Variants in PSEN1 observed in about 807,000 individuals in gnomAD.
PSEN1 encodes the protein presenilin 1.
PSEN1 carries 15 observed loss-of-function variants against 53.5 expected under a neutral mutation model. The ratio of observed to expected loss-of-function variants is 0.28; its 90% CI spans 0.19 to 0.43. PSEN1 has a LOEUF of 0.43. Among genes scored for constraint, PSEN1 ranks in the 20% least tolerant of loss-of-function variants. The pLI is 1.00. For missense variants in PSEN1, 387 were observed against 571.2 expected (o/e 0.68, Z 3.29); for synonymous variants, 208 against 209.8 (o/e 0.99, Z 0.08).
chr14:73,217,017 T>C (rs1242730367), intron 10 of PSEN1, 109 bp from the exon 11 acceptor site: 4 of 1,219,500 alleles, frequency 3.3e-6, no homozygotes, highest in Non-Finnish European at 4.8e-6. Context: ...TATCATTTAC[T>C]GACTTCTCTC....
At chr14:73,150,564 C>T (rs899146443) in intron 3 of PSEN1, among the ~76,000 whole-genome samples, 1 of 148,672 alleles carries the variant, frequency 6.7e-6, no homozygotes, top group Non-Finnish European at 1.5e-5. Flanking sequence ...GAGTTCAAGA[C>T]CAGCCTGGCC....
chr14:73,214,683 T>C (rs953882294), intron 10 of PSEN1, among the ~76,000 whole-genome samples: 3 of 152,244 alleles, frequency 2.0e-5, no homozygotes, highest in Admixed American at 1.3e-4. Context: ...TACTTTGTGC[T>C]AAGTGAAATA....
chr14:73,205,268 A>G (rs1899406142), intron 8 of PSEN1, among the ~76,000 whole-genome samples: 1 of 151,892 alleles, frequency 6.6e-6, no homozygotes, highest in East Asian at 1.9e-4. Flanking sequence ...CGAGGTCAGG[A>G]GATCGAGACC....
chr14:73,150,182 T>C (rs1897177077), intron 3 of PSEN1, among the ~76,000 whole-genome samples: 1 of 152,250 alleles, frequency 6.6e-6, no homozygotes, highest in Non-Finnish European at 1.5e-5. Context: ...TCTTATTTGC[T>C]GTTTTTTTGA....
intron 8 of PSEN1, among the ~76,000 whole-genome samples, chr14:73,203,508 A>G (rs1450256634): frequency 6.6e-6 from 1 of 152,224 alleles, no homozygotes. Context: ...AAGTGGATAT[A>G]AGCATGAATA....
chr14:73,179,695 T>C (rs1898150108), intron 5 of PSEN1, among the ~76,000 whole-genome samples: 1 of 152,232 alleles, frequency 6.6e-6, no homozygotes, highest in African/African-American at 2.4e-5. Flanking sequence ...AAGCCAGAAC[T>C]AGAGGTCTTC....
At chr14:73,177,755 CT>C (rs1898087457) in intron 5 of PSEN1, among the ~76,000 whole-genome samples, 1 of 152,190 alleles carries the variant, frequency 6.6e-6, no homozygotes, top group Non-Finnish European at 1.5e-5. Flanking sequence ...CACTGTTCTT[CT>C]AAAAGTAATA....
chr14:73,165,341 G>A (rs1227873047), intron 3 of PSEN1, among the ~76,000 whole-genome samples: 2 of 152,136 alleles, frequency 1.3e-5, no homozygotes, highest in Non-Finnish European at 2.9e-5. Flanking sequence ...TGGCTCAAAC[G>A]ATTCTGGCTC....
chr14:73,137,740 C>T (rs1327806040), intron 1 of PSEN1, among the ~76,000 whole-genome samples: 1 of 152,060 alleles, frequency 6.6e-6, no homozygotes, highest in Non-Finnish European at 1.5e-5. Context: ...GAGTGTTAGG[C>T]CTGGTGTAGC....
chr14:73,191,413 A>G (rs2140090359), intron 6 of PSEN1, among the ~76,000 whole-genome samples: 1 of 152,118 alleles, frequency 6.6e-6, no homozygotes. Context: ...GTGTGTGTGT[A>G]TGATGATTCT....
At chr14:73,143,519 A>G (rs1896984208) in intron 1 of PSEN1, among the ~76,000 whole-genome samples, 1 of 152,076 alleles carries the variant, frequency 6.6e-6, no homozygotes, top group Admixed American at 6.6e-5. Context: ...AGGTTTCTTT[A>G]AGACTCAAAT....
At chr14:73,159,576 T>C (rs185109877) in intron 3 of PSEN1, among the ~76,000 whole-genome samples, 16 of 152,246 alleles carry the variant, frequency 1.1e-4, no homozygotes, top group Non-Finnish European at 1.9e-4. Context: ...AGCACTGTTT[T>C]TTAAAAAAGA....
At chr14:73,179,788 G>C (rs1419395171) in intron 5 of PSEN1, among the ~76,000 whole-genome samples, 1 of 152,038 alleles carries the variant, frequency 6.6e-6, no homozygotes, top group Non-Finnish European at 1.5e-5. Flanking sequence ...CTCACTGCTA[G>C]TACTTCTAAT....
intron 10 of PSEN1, among the ~76,000 whole-genome samples, chr14:73,213,978 G>A (rs1359012305): frequency 6.6e-6 from 1 of 152,040 alleles, no homozygotes; most frequent in African/African-American, 2.4e-5. Flanking sequence ...TCTACTCCTA[G>A]GTATATACTC....
At chr14:73,162,691 A>T (rs922108398) in intron 3 of PSEN1, among the ~76,000 whole-genome samples, 7 of 152,136 alleles carry the variant, frequency 4.6e-5, no homozygotes, top group African/African-American at 1.4e-4. Flanking sequence ...TTATGTACTG[A>T]TGTGTAGAAA....
intron 1 of PSEN1, chr14:73,137,240 G>A: frequency 6.6e-6 from 1 of 152,618 alleles, no homozygotes. Flanking sequence ...TGTGATTAGA[G>A]TTCGATCTGC....
At chr14:73,213,444 T>C (rs1011498392) in intron 10 of PSEN1, among the ~76,000 whole-genome samples, 1 of 152,080 alleles carries the variant, frequency 6.6e-6, no homozygotes, top group African/African-American at 2.4e-5. Context: ...CAAGTATTGC[T>C]CCTGCTAACT....
chr14:73,147,826 C>T lies in PSEN1; in HGVS notation c.-104C>T, dbSNP rs1248829468. On this transcript the variant is annotated 5_prime_UTR_variant, in exon 2 of 12. Transcript: ENST00000324501. Reference sequence around the variant, plus strand: ...TCTGGGAGCCTGCAAGTGACAACAGCCTTTGCGGTCCTTAGACAGCTTGGC... The same window carrying T: ...TCTGGGAGCCTGCAAGTGACAACAGTCTTTGCGGTCCTTAGACAGCTTGGC... 8.4e-6 allele frequency: 5 copies of T among 596,818 alleles called. No individual in the cohort carries two copies. The highest frequency in any genetic ancestry group is 5.8e-5 in the South Asian group (3 of 51,804). The allele number at this position is 596,818 out of a possible 1,614,324, so 37.0% of individuals were successfully genotyped here. A position where few individuals can be genotyped will look rare whatever the true frequency, so the allele number is the denominator to read the frequency against.
chr14:73,158,301 T>TA (rs888587447), intron 3 of PSEN1, among the ~76,000 whole-genome samples: 7 of 149,878 alleles, frequency 4.7e-5, no homozygotes, highest in African/African-American at 1.7e-4. Flanking sequence ...TCTATCTATC[T>TA]ATCTATCTAT....
Sources: gnomAD v4.1 joint callset for allele counts (sites outside exome capture counted in the v4.1 genomes callset) on GRCh38, gnomAD v4.1.1 for gene constraint, MANE v1.5 for transcripts, NCBI Gene and HGNC (gene_info 2026-07-23, HGNC 2026-07-21) for gene names.